The following TNS3 variants were observed in gnomAD, a reference collection of about 807,000 sequenced individuals.
The protein encoded by TNS3 is tensin 3.
TNS3 carries 45 observed loss-of-function variants against 140.9 expected under a neutral mutation model. The ratio of observed to expected loss-of-function variants is 0.32; its 90% CI spans 0.25 to 0.41. The LOEUF (loss-of-function observed/expected upper bound fraction) is 0.41, where lower values mean the gene tolerates loss of function less well. Ranked by LOEUF, TNS3 falls within the 10% of genes least tolerant of loss-of-function variation. The probability of loss-of-function intolerance (pLI) is 1.00; values close to 1 mark genes in which losing one functional copy is unlikely to be tolerated. For synonymous variants in TNS3, 815 were observed against 788.4 expected (o/e 1.03, Z -0.56); for missense variants, 1,716 against 1,906.7 (o/e 0.90, Z 1.86).
chr7:47,293,707 T>C (rs1262017710), intron 25 of TNS3, 26 bp downstream of exon 25: 1 of 1,608,186 alleles, frequency 6.2e-7, no homozygotes, highest in African/African-American at 1.3e-5. Context: ...TTCAGAACAT[T>C]GACAGCAACC....
intron 20 of TNS3, among the ~76,000 whole-genome samples, chr7:47,319,009 T>C (rs967688241): frequency 6.6e-6 from 1 of 152,206 alleles, no homozygotes; most frequent in African/African-American, 2.4e-5. Flanking sequence ...AGATGACATG[T>C]GCTGAACTTT....
At chr7:47,372,537 G>C (rs533074678) in intron 16 of TNS3, among the ~76,000 whole-genome samples, 1 of 152,190 alleles carries the variant, frequency 6.6e-6, no homozygotes, top group Non-Finnish European at 1.5e-5. Flanking sequence ...GCACAGGATA[G>C]TCCCTCTCCT....
chr7:47,501,186 AAGGGAGGGAGGGAGGGAGGGAGGG>A (rs113002696), intron 3 of TNS3, among the ~76,000 whole-genome samples: 1 of 54,794 alleles, frequency 1.8e-5, no homozygotes, highest in Non-Finnish European at 4.6e-5. Context: ...GGAAGGAAGG[AAGGGAGGGAGGGAGGGAGGGAGGG>A]AGGGAGGGAG....
Position 47,368,380 on chromosome 7 carries a change from C to G in TNS3, c.2266G>C (p.Ala756Pro), listed in dbSNP as rs372023734. Reference sequence around the variant, plus strand: ...CCCAGCTCACCTTGCCGCCCGGTGGCCCTGCTGGGGCCCTCTCCTGTGTCA... The same window carrying G: ...CCCAGCTCACCTTGCCGCCCGGTGGGCCTGCTGGGGCCCTCTCCTGTGTCA... ...LPDTGEGPSR[A>P]TGRQGSSAEQ... Residue 756 changes from alanine to proline, a missense_variant, in exon 17 of 31, where the codon GCC becomes CCC. Coordinates refer to ENST00000311160, the MANE Select transcript of TNS3 (RefSeq NM_022748.12). 1 of 1,489,504 alleles carries G rather than the reference C, an allele frequency of 6.7e-7. No homozygotes were observed. The highest frequency in any genetic ancestry group is 8.9e-7 in the Non-Finnish European group (1 of 1,118,860). 92.3% of individuals were successfully genotyped at this position (1,489,504 alleles called of 1,614,324 possible).
intron 4 of TNS3, among the ~76,000 whole-genome samples, chr7:47,477,616 G>A (rs1434649213): frequency 6.6e-6 from 1 of 152,134 alleles, no homozygotes; most frequent in East Asian, 1.9e-4. Context: ...TGGTAACAAA[G>A]AGAAAAACAA....
At chr7:47,419,303 T>A (rs1453143230) in intron 10 of TNS3, among the ~76,000 whole-genome samples, 1 of 152,164 alleles carries the variant, frequency 6.6e-6, no homozygotes, top group African/African-American at 2.4e-5. Flanking sequence ...TGAGGAATGG[T>A]CACCCTTTTT....
At chr7:47,320,557 C>T (rs1201072688) in intron 20 of TNS3, among the ~76,000 whole-genome samples, 4 of 152,212 alleles carry the variant, frequency 2.6e-5, no homozygotes, top group African/African-American at 9.6e-5. Context: ...CTTCTCTCTG[C>T]GGTGCACAGA....
At chr7:47,412,024 T>C (rs1793801899) in intron 12 of TNS3, among the ~76,000 whole-genome samples, 1 of 152,118 alleles carries the variant, frequency 6.6e-6, no homozygotes, top group Non-Finnish European at 1.5e-5. Flanking sequence ...AGTGACTGAC[T>C]TGAAGTGACT....
chr7:47,276,301 C>G lies in TNS3; in HGVS notation c.*1775G>C, dbSNP rs1784865943. ...AAGTGGAATGGTCCACCTGCTTTCACACACGCATACACGCACGCATGCACA... is the reference window on the plus strand; with the variant it reads ...AAGTGGAATGGTCCACCTGCTTTCAGACACGCATACACGCACGCATGCACA... On this transcript the variant is annotated 3_prime_UTR_variant, in exon 31 of 31. Coordinates refer to ENST00000311160, the MANE Select transcript of TNS3 (RefSeq NM_022748.12). 5.7e-6 allele frequency: 1 copy of G among 175,100 alleles called. No individual in the cohort carries two copies. The allele number at this position is 175,100 out of a possible 1,614,324, so 10.8% of individuals were successfully genotyped here.
rs1323020182 is a variant in TNS3 at position 47,556,965 on chromosome 7, C to G, written c.-265+25086G>C. 2.2e-5 allele frequency: 10 copies of G among 453,268 alleles called. No homozygotes were observed. The Admixed American group carries it at 2.4e-4, about 11-fold the overall frequency. 28.1% of individuals were successfully genotyped at this position (453,268 alleles called of 1,614,324 possible). ...TACTCCCAGCCCTCTGTCCTCCAGT[C>G]CCTGCCACCAAGCCATGCCCCCCAC... On this transcript the variant is annotated intron_variant, in intron 1 of 30. Transcript: ENST00000311160.
chr7:47,479,793 A>T (rs917198709), intron 4 of TNS3, among the ~76,000 whole-genome samples: 3 of 152,238 alleles, frequency 2.0e-5, no homozygotes, highest in African/African-American at 7.2e-5. Context: ...GGCTTCTGTG[A>T]CAGGCCTGAC....
At chr7:47,352,408 C>G (rs987577797) in intron 17 of TNS3, among the ~76,000 whole-genome samples, 2 of 152,190 alleles carry the variant, frequency 1.3e-5, no homozygotes, top group Non-Finnish European at 2.9e-5. Flanking sequence ...TCACACCCAC[C>G]CTGTGCTCCA....
intron 1 of TNS3, among the ~76,000 whole-genome samples, chr7:47,572,622 T>C (rs1800583532): frequency 1.3e-5 from 2 of 152,178 alleles, no homozygotes; most frequent in Non-Finnish European, 2.9e-5. Flanking sequence ...AGGCCTGTAA[T>C]CCCAGCACTT....
intron 23 of TNS3, among the ~76,000 whole-genome samples, chr7:47,300,475 C>G (rs1010437109): frequency 1.3e-5 from 2 of 152,214 alleles, no homozygotes; most frequent in African/African-American, 4.8e-5. Flanking sequence ...CAGGCGCCAG[C>G]AAGGGCAGGT....
chr7:47,526,044 G>A (rs201768165), intron 2 of TNS3, among the ~76,000 whole-genome samples: 8 of 152,196 alleles, frequency 5.3e-5, no homozygotes, highest in African/African-American at 1.2e-4. Flanking sequence ...CAGGCTCCCC[G>A]CCGTCCAAGA....
At chr7:47,449,334 C>T (rs751188871) in intron 4 of TNS3, among the ~76,000 whole-genome samples, 10 of 152,216 alleles carry the variant, frequency 6.6e-5, no homozygotes, top group Non-Finnish European at 1.0e-4. Context: ...CAGCCTGGTC[C>T]TCAGAGCCCT....
chr7:47,294,461 G>A (rs530365076), intron 24 of TNS3, among the ~76,000 whole-genome samples: 1 of 152,348 alleles, frequency 6.6e-6, no homozygotes, highest in Non-Finnish European at 1.5e-5. Flanking sequence ...TCTGAGAGTG[G>A]AAAAGTACAA....
At chr7:47,305,603 G>A (rs147451557) in intron 20 of TNS3, among the ~76,000 whole-genome samples, 47 of 152,324 alleles carry the variant, frequency 3.1e-4, no homozygotes, top group Admixed American at 1.2e-3. Flanking sequence ...GTCAAACCCC[G>A]CTGCTTCAAA....
At chr7:47,464,310 C>A (rs1252915191) in intron 4 of TNS3, among the ~76,000 whole-genome samples, 1 of 152,180 alleles carries the variant, frequency 6.6e-6, no homozygotes, top group Non-Finnish European at 1.5e-5. Context: ...GCACGTACGA[C>A]AGAAGCCAAT....
Sources: allele counts gnomAD v4.1 joint callset (sites outside exome capture counted in the v4.1 genomes callset), GRCh38; gene constraint gnomAD v4.1.1; transcripts MANE v1.5; gene names NCBI Gene and HGNC (gene_info 2026-07-23, HGNC 2026-07-21).